The following GOLGA4 variants were observed in gnomAD, a reference collection of about 807,000 sequenced individuals.
The protein encoded by GOLGA4 is golgin subfamily A member 4.
In GOLGA4, 169 loss-of-function variants were observed where a neutral mutation model predicts 265.9. The observed-to-expected ratio is 0.64, with a 90% CI of 0.56 to 0.72. The LOEUF is 0.72. Among genes scored for constraint, GOLGA4 ranks in the 30% least tolerant of loss-of-function variants. The pLI is 0.00. For missense variants in GOLGA4, 2,482 were observed against 2,483.4 expected, an observed-to-expected ratio of 1.00 and a Z score of 0.01; for synonymous variants, 923 against 855.8, an observed-to-expected ratio of 1.08 and a Z score of -1.37.
intron 23 of GOLGA4, 35 bp from the exon 24 acceptor site, chr3:37,366,045 C>T (rs1300252981): frequency 2.0e-6 from 3 of 1,510,994 alleles, no homozygotes; most frequent in South Asian, 1.2e-5. Flanking sequence ...TTTTTTGCCC[C>T]CTTTCTTTAT....
chr3:37,247,475 G>T (rs961783408), intron 1 of GOLGA4, among the ~76,000 whole-genome samples: 1 of 152,174 alleles, frequency 6.6e-6, no homozygotes. Context: ...AGAAGATCAG[G>T]GTGACATCTG....
In GOLGA4 at chr3:37,327,294, A is replaced by G. The variant is rs1214634148; in HGVS notation, c.5408A>G (p.Glu1803Gly). ...GGTCATCTTCAAGAGGAGCTTGAAG[A>G]AAAAAACAAGAAATATTCCTTGATA... The part of the protein sequence containing the change: ...MIGHLQEELE[E>G]KNKKYSLIVA... The change falls in exon 14 of 24, where the codon GAA becomes GGA. Residue 1803 changes from glutamate (E) to glycine (G), a missense_variant. Glu to Gly is a moderately conservative substitution (Grantham distance 98). This residue lies in a region of GOLGA4 where 942 missense variants were observed against 983.1 expected (regional missense o/e 0.96). Transcript: ENST00000361924. The G allele has an allele frequency of 1.2e-6, 2 of 1,613,678 alleles. No individual in the cohort carries two copies. Among genetic ancestry groups the G allele is most frequent in the African/African-American group, 1.3e-5 (1 of 75,010 alleles).
chr3:37,327,779 G>C lies in GOLGA4; in HGVS notation c.5893G>C (p.Glu1965Gln). The C allele has an allele frequency of 6.2e-7, 1 of 1,611,626 alleles. No homozygotes were observed. Among genetic ancestry groups the C allele is most frequent in the Non-Finnish European group, 8.5e-7 (1 of 1,178,214 alleles). Reference sequence around the variant, plus strand: ...GAGAAAGGAGCATCAGCAAGAATTGGAAATACTAAAGAAAGAATATGATCA... The same window carrying C: ...GAGAAAGGAGCATCAGCAAGAATTGCAAATACTAAAGAAAGAATATGATCA... Reference protein sequence around the residue: ...MLRKEHQQELEILKKEYDQER... With the variant: ...MLRKEHQQELQILKKEYDQER... Residue 1965 changes from glutamate (E) to glutamine (Q), a missense_variant, in exon 14 of 24, where the codon GAA (glutamate) becomes CAA (glutamine). This residue lies in a region of GOLGA4 where 942 missense variants were observed against 983.1 expected (regional missense o/e 0.96). Transcript: ENST00000361924.
chr3:37,312,523 CTT>C (rs779584541), intron 10 of GOLGA4, among the ~76,000 whole-genome samples: 34 of 138,920 alleles, frequency 2.4e-4, no homozygotes, highest in Admixed American at 3.0e-4. Flanking sequence ...GAATAGGAAT[CTT>C]TTTTTTTTTT....
intron 17 of GOLGA4, among the ~76,000 whole-genome samples, chr3:37,335,595 A>C (rs1297625421): frequency 6.6e-6 from 1 of 152,196 alleles, no homozygotes; most frequent in East Asian, 1.9e-4. Flanking sequence ...ATACATCCTT[A>C]GTTGTAGTCA....
chr3:37,317,917 AT>A lies in GOLGA4; in HGVS notation c.1414-1136del, dbSNP rs568585716. Among the ~76,000 whole-genome samples, 1,425 of 147,190 alleles carry A rather than the reference AT, an allele frequency of 9.7e-3. 16 individuals carry two copies. Among genetic ancestry groups the A allele is most frequent in the African/African-American group, 0.032 (1,276 of 40,248 alleles). On this transcript the variant is annotated intron_variant, in intron 11 of 23. Transcript: ENST00000361924. The stretch of plus-strand genomic sequence containing the variant: ...TATTTACAACTTGTTTTCGTAGAAA[AT>A]TTTTTTTTTCCTTGTAGTTGAATTT...
chr3:37,323,332 T>C (rs1037203456), intron 13 of GOLGA4, among the ~76,000 whole-genome samples: 5 of 152,108 alleles, frequency 3.3e-5, no homozygotes, highest in African/African-American at 1.2e-4. Flanking sequence ...TTTGCCATGT[T>C]GGTCAGGCTG....
At chr3:37,301,797 A>AT (rs963840716) in intron 9 of GOLGA4, among the ~76,000 whole-genome samples, 512 of 150,976 alleles carry the variant, frequency 3.4e-3, no homozygotes, top group African/African-American at 0.01. Flanking sequence ...TTAATTTTTA[A>AT]TTTTTTTTTG....
chr3:37,328,867 A>C, intron 15 of GOLGA4, 96 bp from the exon 16 acceptor site: 1 of 1,021,470 alleles, frequency 9.8e-7, no homozygotes, highest in Non-Finnish European at 1.4e-6. Context: ...AATTTCATCA[A>C]AATTAATTGG....
chr3:37,355,049 G>A, intron 21 of GOLGA4, 52 bp from the exon 22 acceptor site: 1 of 1,038,684 alleles, frequency 9.6e-7, no homozygotes, highest in Non-Finnish European at 1.5e-6. Context: ...AATGGGTTGA[G>A]ACTTTATATG....
Position 37,324,865 on chromosome 3 carries a change from T to A in GOLGA4, c.2979T>A (p.Ser993Arg). The A allele has an allele frequency of 6.3e-7, 1 of 1,594,746 alleles. No homozygotes were observed. The highest frequency in any genetic ancestry group is 8.5e-7 in the Non-Finnish European group (1 of 1,174,492). Residue 993 changes from serine to arginine, a missense_variant, in exon 14 of 24, where the codon AGT (serine) becomes AGA (arginine). Ser to Arg is a moderately radical substitution (Grantham distance 110). Coordinates refer to ENST00000361924, the MANE Select transcript of GOLGA4 (RefSeq NM_002078.5). ...TTGAAAATACTGCTCTAGAGCTTAG[T>A]CAGAAAGAAAAACAGTTTAATGCCA... Reference protein sequence around the residue: ...KELENTALELSQKEKQFNAKM... With the variant: ...KELENTALELRQKEKQFNAKM...
In GOLGA4 at chr3:37,257,902, T is replaced by C. The variant is rs571794907; in HGVS notation, c.162+6418T>C. 9.4e-4 allele frequency among the ~76,000 whole-genome samples: 122 copies of C among 129,706 alleles called. 4 individuals carry two copies. The highest frequency in any genetic ancestry group is 2.0e-3 in the African/African-American group (66 of 33,636). The allele number at this position is 129,706 out of a possible 152,430, so 85.1% of individuals were successfully genotyped here. On this transcript the variant is annotated intron_variant, in intron 2 of 23. Transcript: ENST00000361924. ...GTGTTTTCATATATATACATATATA[T>C]ATATATATATATGTATGTATATATG...
chr3:37,333,395 TTAAAA>T (rs1226156119), intron 16 of GOLGA4, among the ~76,000 whole-genome samples: 6 of 152,230 alleles, frequency 3.9e-5, no homozygotes, highest in South Asian at 2.1e-4. Context: ...TTTTTAAATC[TTAAAA>T]TAAGACTAGA....
intron 7 of GOLGA4, among the ~76,000 whole-genome samples, chr3:37,298,518 T>G (rs1209175087): frequency 6.6e-6 from 1 of 152,218 alleles, no homozygotes; most frequent in Non-Finnish European, 1.5e-5. Flanking sequence ...AGCCTTCAGC[T>G]GCATGACTCC....
chr3:37,366,005 T>C, intron 23 of GOLGA4, 75 bp from the exon 24 acceptor site: 2 of 1,259,198 alleles, frequency 1.6e-6, no homozygotes, highest in African/African-American at 1.5e-5. Flanking sequence ...AAAACAAATA[T>C]CCCAAAAAGT....
At chr3:37,257,602 CT>C (rs1473299027) in intron 2 of GOLGA4, among the ~76,000 whole-genome samples, 1 of 151,538 alleles carries the variant, frequency 6.6e-6, no homozygotes, top group Non-Finnish European at 1.5e-5. Context: ...TCCCCTTCCT[CT>C]TTTTAGGTCT....
intron 12 of GOLGA4, chr3:37,319,880 G>GA (rs1284300627): frequency 6.6e-6 from 1 of 152,100 alleles, no homozygotes; most frequent in Non-Finnish European, 1.5e-5. Context: ...ACAAAAAAAG[G>GA]AAAAGATAGA....
Position 37,299,334 on chromosome 3 carries a change from A to G in GOLGA4, c.1049A>G (p.Asp350Gly). ...ACTAAACTTATCACTCAGTTGCGTG[A>G]TGCAAAGAACTTAATTGAACAGCTT... ...EKTKLITQLRDAKNLIEQLEQ... is the reference protein window; with the variant it reads ...EKTKLITQLRGAKNLIEQLEQ... Residue 350 changes from aspartate to glycine, a missense_variant, in exon 9 of 24, where the codon GAT becomes GGT. By Grantham distance (94) the Asp-to-Gly change is moderately conservative. Around this residue, in one of 3 missense-constraint regions of GOLGA4, gnomAD observed 1,536 missense variants for 1,483.7 expected, o/e 1.04. Transcript: ENST00000361924. The G allele has an allele frequency of 6.2e-7, 1 of 1,613,546 alleles. No individual in the cohort carries two copies. The highest frequency in any genetic ancestry group is 8.5e-7 in the Non-Finnish European group (1 of 1,179,526).
chr3:37,252,525 A>G (rs2096736925), intron 2 of GOLGA4, among the ~76,000 whole-genome samples: 1 of 152,146 alleles, frequency 6.6e-6, no homozygotes, highest in African/African-American at 2.4e-5. Flanking sequence ...TTAACACATA[A>G]GAAGATAATG....
Sources: allele counts gnomAD v4.1 joint callset (sites outside exome capture counted in the v4.1 genomes callset), GRCh38; gene constraint gnomAD v4.1.1; regional missense constraint gnomAD v4.1.1; transcripts MANE v1.5; gene names NCBI Gene and HGNC (gene_info 2026-07-23, HGNC 2026-07-21).